The following CALM2 variants were observed in gnomAD, a reference collection of about 807,000 sequenced individuals.
CALM2 encodes calmodulin 2, also known as calmodulin-2.
In CALM2, 2 loss-of-function variants were observed where a neutral mutation model predicts 19.8. That is an observed-to-expected ratio of 0.10 (90% CI 0.04 to 0.32). The LOEUF is 0.32. CALM2 is among the 10% of genes least tolerant of loss of function. The pLI, the probability that CALM2 is intolerant of heterozygous loss-of-function variation, is 1.00. For missense variants in CALM2, 38 were observed against 178.7 expected, an observed-to-expected ratio of 0.21 and a Z score of 4.49; for synonymous variants, 51 against 52.1, an observed-to-expected ratio of 0.98 and a Z score of 0.09.
At position 47,161,853 on chromosome 2, in the gene CALM2, G is replaced by A. The variant is rs1011415595; in HGVS notation, c.291C>T (p.Gly97=). The A allele has an allele frequency of 1.2e-6, 2 of 1,604,908 alleles. No homozygotes were observed. Among genetic ancestry groups the A allele is most frequent in the South Asian group, 2.3e-5 (2 of 88,884 alleles). Reference sequence around the variant, plus strand: ...GTTCTGCAGCACTAATATAGCCATTGCCATCCTAGCAAAAAATTTAGTATA... The same window carrying A: ...GTTCTGCAGCACTAATATAGCCATTACCATCCTAGCAAAAAATTTAGTATA... ...REAFRVFDKD[G]NGYISAAELR... Residue 97 remains glycine (G), a synonymous_variant, in exon 5 of 6, where the codon GGC becomes GGT. Transcript: ENST00000272298.
intron 5 of CALM2, 55 bp from the exon 6 acceptor site, chr2:47,160,859 A>T: frequency 1.1e-6 from 1 of 899,740 alleles, no homozygotes; most frequent in Non-Finnish European, 1.7e-6. Context: ...CCAAAAAAAA[A>T]AAAAAAAAAA....
chr2:47,175,873 GCCGCCCGC>G (rs1054076271), intron 1 of CALM2, among the ~76,000 whole-genome samples: 2 of 147,996 alleles, frequency 1.4e-5, no homozygotes, highest in African/African-American at 4.9e-5. Context: ...CACACAGCGC[GCCGCCCGC>G]CCGCCCGCGC....
intron 2 of CALM2, among the ~76,000 whole-genome samples, chr2:47,169,353 TCTCA>T (rs1251718351): frequency 3.3e-5 from 5 of 152,100 alleles, no homozygotes; most frequent in East Asian, 1.9e-4. Flanking sequence ...AGAGATGGGG[TCTCA>T]CTATGTTGCC....
intron 2 of CALM2, among the ~76,000 whole-genome samples, chr2:47,170,346 C>T (rs1573226606): frequency 6.6e-6 from 1 of 152,244 alleles, no homozygotes; most frequent in Non-Finnish European, 1.5e-5. Context: ...TTCAATTGTT[C>T]CTTTTTTGAT....
intron 2 of CALM2, among the ~76,000 whole-genome samples, chr2:47,165,892 A>G (rs1312284629): frequency 1.3e-5 from 2 of 152,230 alleles, no homozygotes; most frequent in Non-Finnish European, 1.5e-5. Flanking sequence ...CTCGAATTCT[A>G]TCATTTAAAT....
Position 47,170,736 on chromosome 2 carries a change from G to T in CALM2, c.32C>A (p.Ala11Glu). 6.2e-7 allele frequency: 1 copy of T among 1,612,044 alleles called. No homozygotes were observed. The highest frequency in any genetic ancestry group is 8.5e-7 in the Non-Finnish European group (1 of 1,178,166). The change falls in exon 2 of 6, where the codon GCA becomes GAA. Residue 11 changes from alanine to glutamate, a missense_variant and splice_region_variant. Coordinates refer to ENST00000272298, the MANE Select transcript of CALM2 (RefSeq NM_001743.6). The part of the protein sequence containing the change: MADQLTEEQI[A>E]EFKEAFSLFD... ...CAATCTAGCTGAGTATTTCTCACCT[G>T]CAATCTGCTCTTCAGTCAGTTGGTC...
upstream of CALM2, chr2:47,176,599 G>C: frequency 6.5e-7 from 1 of 1,536,326 alleles, no homozygotes; most frequent in Non-Finnish European, 8.8e-7. Context: ...CATCGCAAAC[G>C]AGTCCCGGCC....
chr2:47,174,380 C>G (rs1666775975), intron 1 of CALM2, among the ~76,000 whole-genome samples: 1 of 152,056 alleles, frequency 6.6e-6, no homozygotes, highest in Non-Finnish European at 1.5e-5. Context: ...AGCCCATTGA[C>G]TAGCCAGGAC....
intron 1 of CALM2, among the ~76,000 whole-genome samples, chr2:47,175,050 T>C (rs1666800954): frequency 7.0e-6 from 1 of 143,820 alleles, no homozygotes; most frequent in Non-Finnish European, 1.5e-5. Context: ...AACCACAAAG[T>C]AAGTATCACA....
chr2:47,167,895 A>G lies in CALM2; in HGVS notation c.34+2839T>C, dbSNP rs1336325861. On this transcript the variant is annotated intron_variant, in intron 2 of 5. Coordinates refer to ENST00000272298, the MANE Select transcript of CALM2 (RefSeq NM_001743.6). ...GCAATCCCACTGCCTCAGCCTCCCA[A>G]AGTGTTGGGATTAGACATGCGCCAC... 3.4e-5 allele frequency among the ~76,000 whole-genome samples: 5 copies of G among 146,700 alleles called. No individual in the cohort carries two copies. In the East Asian group the frequency reaches 7.9e-4, roughly 23 times the overall value.
chr2:47,169,021 G>A (rs1047536110), intron 2 of CALM2, among the ~76,000 whole-genome samples: 1 of 151,480 alleles, frequency 6.6e-6, no homozygotes, highest in South Asian at 2.1e-4. Context: ...CAAGTGATCC[G>A]CCTCGGCCTC....
chr2:47,160,500 T>C lies in CALM2; in HGVS notation c.*276A>G. On this transcript the variant is annotated 3_prime_UTR_variant, in exon 6 of 6. Transcript: ENST00000272298. ...AAGGCATAACCCAGATGTTCCCTCA[T>C]TTGACCAACTCCATCTAAGTTTAGA... is the stretch of plus-strand genomic sequence containing the variant. The C allele has an allele frequency of 6.3e-6, 2 of 317,608 alleles. No homozygotes were observed. Among genetic ancestry groups the C allele is most frequent in the Non-Finnish European group, 1.2e-5 (2 of 172,328 alleles). 19.7% of individuals were successfully genotyped at this position (317,608 alleles called of 1,614,324 possible). A position where few individuals can be genotyped will look rare whatever the true frequency, so the allele number is the denominator to read the frequency against.
intron 2 of CALM2, 60 bp from the exon 3 acceptor site, chr2:47,162,722 T>C: frequency 7.3e-7 from 1 of 1,368,296 alleles, no homozygotes; most frequent in East Asian, 2.3e-5. Context: ...GTAACCTAAA[T>C]GAAACGTATT....
chr2:47,176,502 C>A lies in CALM2; in HGVS notation c.-59G>T. 6.2e-7 allele frequency: 1 copy of A among 1,609,542 alleles called. No homozygotes were observed. Among genetic ancestry groups the A allele is most frequent in the African/African-American group, 1.3e-5 (1 of 74,798 alleles). ...ACACAACCACTCAGCTCGCTCTCTC[C>A]ACTCGGACTAATTCGCCTCCTCCGC... is the stretch of plus-strand genomic sequence containing the variant. On this transcript the variant is annotated 5_prime_UTR_variant, in exon 1 of 6. Transcript: ENST00000272298.
rs575360753 is a variant in CALM2 at position 47,175,981 on chromosome 2, G to A, written c.3+460C>T. Among the ~76,000 whole-genome samples the A allele has an allele frequency of 1.8e-4, 28 of 151,966 alleles. 1 individual carries two copies. The South Asian group carries it at 5.0e-3, about 27-fold the overall frequency. On this transcript the variant is annotated intron_variant, in intron 1 of 5. Transcript: ENST00000272298. ...CCCGCGCGCTCCTCCCGCCCCCTGG[G>A]CGCATGGCGGCCGCAAGCGGACAAA...
chr2:47,169,170 G>A (rs1666590436), intron 2 of CALM2, among the ~76,000 whole-genome samples: 1 of 152,178 alleles, frequency 6.6e-6, no homozygotes, highest in Admixed American at 6.5e-5. Context: ...TGAACATGCT[G>A]TACTGCATAC....
Position 47,165,165 on chromosome 2 carries a change from C to G in CALM2, c.35-2503G>C, listed in dbSNP as rs539058322. Among the ~76,000 whole-genome samples the G allele has an allele frequency of 2.6e-5, 4 of 152,326 alleles. No homozygotes were observed. The South Asian group carries it at 8.3e-4, about 32-fold the overall frequency. On this transcript the variant is annotated intron_variant, in intron 2 of 5. Coordinates refer to ENST00000272298, the MANE Select transcript of CALM2 (RefSeq NM_001743.6). ...GCTGAGTTTACCAATGACTACTAGTCAGTCACCCAATCCATCAAGCATGCT... is the reference window on the plus strand; with the variant it reads ...GCTGAGTTTACCAATGACTACTAGTGAGTCACCCAATCCATCAAGCATGCT...
At chr2:47,173,132 A>G (rs1210308409) in intron 1 of CALM2, 1 of 152,206 alleles carries the variant, frequency 6.6e-6, no homozygotes, top group African/African-American at 2.4e-5. Flanking sequence ...TTCAGGTTTT[A>G]GAATAAACTT....
At chr2:47,170,702 T>A in intron 2 of CALM2, 32 bp downstream of exon 2, 1 of 1,569,620 alleles carries the variant, frequency 6.4e-7, no homozygotes, top group East Asian at 2.2e-5. Context: ...AATAAGAATC[T>A]AATGGGTACA....
Sources: allele counts gnomAD v4.1 joint callset (sites outside exome capture counted in the v4.1 genomes callset), GRCh38; gene constraint gnomAD v4.1.1; transcripts MANE v1.5; gene names NCBI Gene and HGNC (gene_info 2026-07-23, HGNC 2026-07-21).